PGD: variants seen among roughly 807,000 people sequenced by gnomAD.
The protein encoded by PGD is 6-phosphogluconate dehydrogenase, decarboxylating.
PGD carries 21 observed loss-of-function variants against 60.4 expected under a neutral mutation model. The observed-to-expected ratio is 0.35, with a 90% confidence interval of 0.25 to 0.50. PGD has a LOEUF of 0.50. Among genes scored for constraint, PGD ranks in the 20% least tolerant of loss-of-function variants. The pLI is 0.98. For missense variants in PGD, 477 were observed against 613.1 expected (o/e 0.78, Z 2.34); for synonymous variants, 230 against 235.9 (o/e 0.97, Z 0.23).
At chr1:10,408,016 T>G (rs547412121) in intron 5 of PGD, 55 bp from the exon 6 acceptor site, 1 of 1,008,774 alleles carries the variant, frequency 9.9e-7, no homozygotes, top group Non-Finnish European at 1.6e-6. Flanking sequence ...TCTATGGGTA[T>G]GGGCTCTCAG....
chr1:10,419,731 C>G lies in PGD; in HGVS notation c.1434C>G (p.Ser478=). Residue 478 remains serine (S), a synonymous_variant, in exon 13 of 13, where the codon TCC becomes TCG. Coordinates refer to ENST00000270776, the MANE Select transcript of PGD (RefSeq NM_002631.4). ...NWTGHGGTVS[S]SSYNA ...CAGGCCATGGTGGCACCGTGTCATC[C>G]TCGTCATACAATGCCTGATCATGCT... 1.2e-6 allele frequency: 2 copies of G among 1,614,250 alleles called. No individual in the cohort carries two copies. Among genetic ancestry groups the G allele is most frequent in the Non-Finnish European group, 1.7e-6 (2 of 1,180,046 alleles).
chr1:10,414,569 G>T (rs967730289), intron 8 of PGD, among the ~76,000 whole-genome samples: 1 of 151,816 alleles, frequency 6.6e-6, no homozygotes, highest in African/African-American at 2.4e-5. Context: ...TGGAGACGGG[G>T]TTTTACCATA....
intron 5 of PGD, among the ~76,000 whole-genome samples, chr1:10,405,233 CATG>C (rs1639380372): frequency 1.3e-5 from 2 of 151,894 alleles, no homozygotes; most frequent in African/African-American, 4.8e-5. Flanking sequence ...ATTAGCCGGG[CATG>C]GTGGCGTGCG....
intron 3 of PGD, among the ~76,000 whole-genome samples, chr1:10,401,690 C>CT (rs1391921349): frequency 6.6e-6 from 1 of 152,178 alleles, no homozygotes. Flanking sequence ...GTAATGTTAA[C>CT]TGGAGCCTTG....
At chr1:10,419,111 C>T (rs989528376) in intron 11 of PGD, among the ~76,000 whole-genome samples, 186 bp downstream of exon 11, 5 of 151,370 alleles carry the variant, frequency 3.3e-5, no homozygotes, top group South Asian at 2.1e-4. Context: ...TGGGTTCAAG[C>T]GATTCTCCTG....
chr1:10,415,046 G>A (rs1399170990), intron 8 of PGD, among the ~76,000 whole-genome samples: 3 of 150,882 alleles, frequency 2.0e-5, no homozygotes, highest in Admixed American at 1.3e-4. Flanking sequence ...GGCTGAGATC[G>A]CACCACTGCA....
intron 5 of PGD, among the ~76,000 whole-genome samples, chr1:10,406,173 C>T (rs777248251): frequency 1.3e-5 from 2 of 152,158 alleles, no homozygotes; most frequent in South Asian, 2.1e-4. Flanking sequence ...TTTTTAATTA[C>T]CTTTCTGGTG....
intron 8 of PGD, 65 bp downstream of exon 8, chr1:10,413,316 G>C: frequency 7.2e-7 from 1 of 1,385,364 alleles, no homozygotes; most frequent in Non-Finnish European, 1.0e-6. Context: ...CTGGAGGACA[G>C]ATACAGACTG....
intron 2 of PGD, 47 bp from the exon 3 acceptor site, chr1:10,400,346 A>G (rs1215467653): frequency 7.0e-6 from 10 of 1,425,958 alleles, no homozygotes; most frequent in Non-Finnish European, 9.8e-6. Context: ...ACAGTCTGAA[A>G]GTCTTGTGTG....
intron 8 of PGD, among the ~76,000 whole-genome samples, chr1:10,413,904 CAA>C (rs35827044): frequency 4.7e-5 from 6 of 127,386 alleles, no homozygotes; most frequent in Admixed American, 8.3e-5. Flanking sequence ...GACTTCGTCT[CAA>C]AAAAAAAAAA....
intron 8 of PGD, among the ~76,000 whole-genome samples, chr1:10,414,332 G>T (rs1639557439): frequency 6.6e-6 from 1 of 151,966 alleles, no homozygotes; most frequent in Non-Finnish European, 1.5e-5. Context: ...AAACGAGAGG[G>T]GATTAACAAT....
chr1:10,408,359 AG>A (rs1449725410), intron 6 of PGD, among the ~76,000 whole-genome samples: 1 of 152,246 alleles, frequency 6.6e-6, no homozygotes, highest in Admixed American at 6.5e-5. Context: ...TGATATTAAA[AG>A]CAGCCTTCTA....
rs1301723939 is a variant in PGD at position 10,400,522 on chromosome 1, ATCC to A, written c.219_221del (p.Leu74del). The A allele has an allele frequency of 6.2e-7, 1 of 1,614,004 alleles. No individual in the cohort carries two copies. Among genetic ancestry groups the A allele is most frequent in the Non-Finnish European group, 8.5e-7 (1 of 1,180,022 alleles). ...CAAGCTGAAGAAGCCCCGGCGGATC[ATCC>A]TCCTGGTGAAGGCTGGGCAAGCTGT... On this transcript the variant is annotated inframe_deletion, in exon 3 of 13. Transcript: ENST00000270776.
At chr1:10,400,602 C>G in intron 3 of PGD, 30 bp downstream of exon 3, 1 of 1,556,052 alleles carries the variant, frequency 6.4e-7, no homozygotes, top group South Asian at 1.2e-5. Flanking sequence ...CAGCTGCTAC[C>G]ACGATAGCAG....
chr1:10,403,590 G>GAAAAAAAAAAAAAAAAAAAAAAAAAAAAA (rs71583866), intron 4 of PGD, among the ~76,000 whole-genome samples: 1 of 67,146 alleles, frequency 1.5e-5, no homozygotes, highest in Non-Finnish European at 2.7e-5. Context: ...AACTCCATCT[G>GAAAAAAAAAAAAAAAAAAAAAAAAAAAAA]AAAAAAAAAA....
chr1:10,400,532 T>C lies in PGD; in HGVS notation c.224T>C (p.Val75Ala). The change falls in exon 3 of 13, where the codon GTG becomes GCG. Residue 75 changes from valine (V) to alanine (A), a missense_variant. By Grantham distance (64) the Val-to-Ala change is moderately conservative. Coordinates refer to ENST00000270776, the MANE Select transcript of PGD (RefSeq NM_002631.4). ...AAGCCCCGGCGGATCATCCTCCTGGTGAAGGCTGGGCAAGCTGTGGATGAT... is the reference window on the plus strand; with the variant it reads ...AAGCCCCGGCGGATCATCCTCCTGGCGAAGGCTGGGCAAGCTGTGGATGAT... ...LKKPRRIILL[V>A]KAGQAVDDFI... 6.2e-7 allele frequency: 1 copy of C among 1,614,084 alleles called. No homozygotes were observed. Among genetic ancestry groups the C allele is most frequent in the Non-Finnish European group, 8.5e-7 (1 of 1,179,994 alleles).
intron 5 of PGD, among the ~76,000 whole-genome samples, chr1:10,407,463 C>A (rs183165854): frequency 1.3e-5 from 2 of 152,022 alleles, no homozygotes; most frequent in East Asian, 3.9e-4. Flanking sequence ...GAAGACATTT[C>A]TTCTGGTGCT....
chr1:10,404,746 C>T (rs373050357), intron 5 of PGD, among the ~76,000 whole-genome samples: 7 of 152,130 alleles, frequency 4.6e-5, no homozygotes, highest in Non-Finnish European at 7.3e-5. Flanking sequence ...GCGATCTGCC[C>T]GCCTTGGCCT....
rs766513940 is a variant in PGD at position 10,413,247 on chromosome 1, C to A, written c.840C>A (p.Leu280=). The A allele has an allele frequency of 1.2e-5, 20 of 1,613,478 alleles. No homozygotes were observed. The South Asian group carries it at 2.2e-4, about 18-fold the overall frequency. Residue 280 remains leucine (L), a synonymous_variant, in exon 8 of 13, where the codon CTC becomes CTA. Coordinates refer to ENST00000270776, the MANE Select transcript of PGD (RefSeq NM_002631.4). ...TGGAATACGGCGTACCCGTCACCCTCATTGGTAATGTTATGCTTTTCACAT... is the reference window on the plus strand; with the variant it reads ...TGGAATACGGCGTACCCGTCACCCTAATTGGTAATGTTATGCTTTTCACAT... The part of the protein sequence containing the change: ...SALEYGVPVT[L]IGEAVFARCL...
Sources: allele counts gnomAD v4.1 joint callset (sites outside exome capture counted in the v4.1 genomes callset), GRCh38; gene constraint gnomAD v4.1.1; transcripts MANE v1.5; gene names NCBI Gene and HGNC (gene_info 2026-07-23, HGNC 2026-07-21).